SPAG16: variants seen among roughly 807,000 people sequenced by gnomAD.
SPAG16 encodes sperm-associated antigen 16 protein.
A neutral mutation model predicts 80.4 loss-of-function variants in SPAG16; 86 were observed. The ratio of observed to expected loss-of-function variants is 1.07; its 90% CI spans 0.90 to 1.28. The LOEUF (loss-of-function observed/expected upper bound fraction) is 1.28. Ranked by LOEUF, SPAG16 falls within the 50% of genes most tolerant of loss-of-function variation. SPAG16 has a pLI of 0.00. For synonymous variants in SPAG16, 294 were observed against 265.9 expected (o/e 1.11, Z -1.03); for missense variants, 870 against 765.3 (o/e 1.14, Z -1.61).
chr2:214,108,439 T>TCACACACACACACA (rs71037342), intron 14 of SPAG16, among the ~76,000 whole-genome samples, 178 bp downstream of exon 14: 41 of 125,122 alleles, frequency 3.3e-4, no homozygotes, highest in African/African-American at 6.2e-4. Flanking sequence ...ATTTTAAAAT[T>TCACACACACACACA]CACACACACA....
chr2:213,351,501 T>A (rs927883737), intron 7 of SPAG16, among the ~76,000 whole-genome samples: 1 of 152,168 alleles, frequency 6.6e-6, no homozygotes, highest in Non-Finnish European at 1.5e-5. Flanking sequence ...CCTAGGGTAG[T>A]GGGTGAGATA....
intron 12 of SPAG16, among the ~76,000 whole-genome samples, chr2:213,974,382 AGTTT>A (rs1397514568): frequency 3.3e-5 from 5 of 152,074 alleles, no homozygotes; most frequent in Admixed American, 6.6e-5. Flanking sequence ...AGGAACTCTT[AGTTT>A]AAGTCAATAA....
chr2:213,782,242 A>G (rs2070036102), intron 10 of SPAG16, among the ~76,000 whole-genome samples: 2 of 152,084 alleles, frequency 1.3e-5, no homozygotes, highest in Admixed American at 6.6e-5. Flanking sequence ...GATGAAGGGA[A>G]GGAAGAAACT....
At chr2:213,485,929 G>C (rs2073951948) in intron 9 of SPAG16, among the ~76,000 whole-genome samples, 1 of 151,916 alleles carries the variant, frequency 6.6e-6, no homozygotes, top group Non-Finnish European at 1.5e-5. Flanking sequence ...TTAAGAAAGA[G>C]GTACCCATTG....
intron 13 of SPAG16, among the ~76,000 whole-genome samples, chr2:214,071,257 G>A (rs748711703): frequency 1.3e-5 from 2 of 152,062 alleles, no homozygotes; most frequent in Non-Finnish European, 2.9e-5. Flanking sequence ...ATAGGCAAGG[G>A]CTCAAAGCAA....
intron 10 of SPAG16, among the ~76,000 whole-genome samples, chr2:213,578,215 T>C (rs2060192228): frequency 6.6e-6 from 1 of 152,146 alleles, no homozygotes; most frequent in South Asian, 2.1e-4. Flanking sequence ...TCATGTTTTC[T>C]TTATTGACAA....
At chr2:213,402,335 T>C (rs893569039) in intron 9 of SPAG16, among the ~76,000 whole-genome samples, 1 of 152,126 alleles carries the variant, frequency 6.6e-6, no homozygotes, top group African/African-American at 2.4e-5. Context: ...TATCTAATTC[T>C]ATCTGCCATA....
intron 9 of SPAG16, among the ~76,000 whole-genome samples, chr2:213,453,278 G>A (rs991091547): frequency 1.3e-5 from 2 of 152,090 alleles, no homozygotes; most frequent in African/African-American, 2.4e-5. Flanking sequence ...CATAGTGTCT[G>A]GTTCATAATG....
chr2:213,327,945 C>T (rs2063915260), intron 5 of SPAG16, among the ~76,000 whole-genome samples: 1 of 152,090 alleles, frequency 6.6e-6, no homozygotes, highest in African/African-American at 2.4e-5. Flanking sequence ...ATGTAAGCCA[C>T]TTTACTAAAA....
chr2:214,019,927 G>C lies in SPAG16; in HGVS notation c.1527+5850G>C, dbSNP rs140318218. ...AGATAAATTATCTTAAAATAATGTA[G>C]TAATTGCTATATATTCTATATAACT... On this transcript the variant is annotated intron_variant, in intron 13 of 15. Coordinates refer to ENST00000331683, the MANE Select transcript of SPAG16 (RefSeq NM_024532.5). Among the ~76,000 whole-genome samples, 167 of 152,228 alleles carry C rather than the reference G, an allele frequency of 1.1e-3. 1 individual carries two copies. The highest frequency in any genetic ancestry group is 3.7e-3 in the African/African-American group (153 of 41,550).
intron 9 of SPAG16, among the ~76,000 whole-genome samples, chr2:213,473,713 C>T (rs1228443046): frequency 6.6e-6 from 1 of 152,198 alleles, no homozygotes; most frequent in South Asian, 2.1e-4. Context: ...ATAAATTTAG[C>T]CTGATCCAAC....
At chr2:214,026,888 T>C (rs1445962522) in intron 13 of SPAG16, among the ~76,000 whole-genome samples, 1 of 151,540 alleles carries the variant, frequency 6.6e-6, no homozygotes, top group Non-Finnish European at 1.5e-5. Context: ...ACTTCTTCAG[T>C]AAATCAAAGT....
intron 10 of SPAG16, among the ~76,000 whole-genome samples, chr2:213,780,093 T>G (rs2069848860): frequency 6.6e-6 from 1 of 152,208 alleles, no homozygotes; most frequent in South Asian, 2.1e-4. Flanking sequence ...GGACTAGTCA[T>G]GTACTTCATG....
At chr2:213,316,392 CT>C (rs2063401347) in intron 4 of SPAG16, among the ~76,000 whole-genome samples, 1 of 152,052 alleles carries the variant, frequency 6.6e-6, no homozygotes, top group African/African-American at 2.4e-5. Context: ...ACCATGCTCT[CT>C]CTTTGACTAC....
At chr2:213,459,345 G>C (rs2072226008) in intron 9 of SPAG16, among the ~76,000 whole-genome samples, 1 of 152,206 alleles carries the variant, frequency 6.6e-6, no homozygotes, top group African/African-American at 2.4e-5. Flanking sequence ...AAGAAATAGA[G>C]GGCTAACTTA....
intron 9 of SPAG16, among the ~76,000 whole-genome samples, chr2:213,413,856 G>A (rs1033295137): frequency 1.6e-4 from 25 of 152,116 alleles, no homozygotes; most frequent in African/African-American, 5.6e-4. Flanking sequence ...AATAGTGTTT[G>A]GTACATGCCA....
chr2:213,626,101 T>C (rs1428661604), intron 10 of SPAG16, among the ~76,000 whole-genome samples: 1 of 152,174 alleles, frequency 6.6e-6, no homozygotes, highest in African/African-American at 2.4e-5. Flanking sequence ...GTTGTTATCA[T>C]TGTTCATATG....
intron 10 of SPAG16, among the ~76,000 whole-genome samples, chr2:213,838,443 G>C (rs1441862780): frequency 1.3e-5 from 2 of 152,178 alleles, no homozygotes; most frequent in African/African-American, 2.4e-5. Context: ...AAAGTGCTGG[G>C]ATTACAGGCG....
At chr2:213,737,789 C>G (rs1171551487) in intron 10 of SPAG16, among the ~76,000 whole-genome samples, 6 of 152,056 alleles carry the variant, frequency 3.9e-5, no homozygotes, top group Non-Finnish European at 8.8e-5. Flanking sequence ...CGCCTGGCCT[C>G]TCATTACTTT....
Sources: gnomAD v4.1 joint callset for allele counts (sites outside exome capture counted in the v4.1 genomes callset) on GRCh38, gnomAD v4.1.1 for gene constraint, MANE v1.5 for transcripts, NCBI Gene and HGNC (gene_info 2026-07-23, HGNC 2026-07-21) for gene names.